Variants in OSBPL10 observed in about 807,000 individuals in gnomAD.
OSBPL10 encodes the protein oxysterol-binding protein-related protein 10.
In OSBPL10, 49 loss-of-function variants were observed where a neutral mutation model predicts 81.7. The ratio of observed to expected loss-of-function variants is 0.60; its 90% CI spans 0.48 to 0.76. OSBPL10 has a LOEUF of 0.76. OSBPL10 is among the 30% of genes least tolerant of loss of function. The pLI, the probability that OSBPL10 is intolerant of heterozygous loss-of-function variation, is 0.00. For missense variants in OSBPL10, 923 were observed against 987.8 expected, an observed-to-expected ratio of 0.93 and a Z score of 0.88; for synonymous variants, 419 against 383.6, an observed-to-expected ratio of 1.09 and a Z score of -1.08.
intron 3 of OSBPL10, among the ~76,000 whole-genome samples, chr3:31,863,522 AGT>A (rs1341830537): frequency 1.3e-5 from 2 of 152,338 alleles, no homozygotes; most frequent in African/African-American, 4.8e-5. Flanking sequence ...TCTGTGCCTC[AGT>A]GTCCTCACCT....
At chr3:31,951,673 T>G (rs973150313) in intron 1 of OSBPL10, among the ~76,000 whole-genome samples, 2 of 151,068 alleles carry the variant, frequency 1.3e-5, no homozygotes, top group Admixed American at 1.3e-4. Flanking sequence ...TATGATTGTA[T>G]ACAATTATAA....
At chr3:31,928,762 C>CCAAAAAAAAAAAAAAAAAAAAAAAA (rs768296819) in intron 1 of OSBPL10, among the ~76,000 whole-genome samples, 1 of 95,064 alleles carries the variant, frequency 1.1e-5, no homozygotes, top group African/African-American at 3.2e-5. Context: ...GACTTGTCTC[C>CCAAAAAAAAAAAAAAAAAAAAAAAA]AAAAAAAAAA....
chr3:31,690,354 C>T (rs1014497804), intron 7 of OSBPL10, among the ~76,000 whole-genome samples: 3 of 152,110 alleles, frequency 2.0e-5, no homozygotes, highest in African/African-American at 7.2e-5. Context: ...GAGGCCTCCC[C>T]AGAACTTGTA....
At chr3:31,730,330 C>CAA (rs796676217) in intron 6 of OSBPL10, among the ~76,000 whole-genome samples, 2 of 124,954 alleles carry the variant, frequency 1.6e-5, no homozygotes, top group African/African-American at 5.9e-5. Context: ...GGCCACAGAG[C>CAA]AAAAAAAAAA....
chr3:31,690,688 C>G (rs1028222632), intron 7 of OSBPL10, among the ~76,000 whole-genome samples: 1 of 152,108 alleles, frequency 6.6e-6, no homozygotes, highest in Admixed American at 6.5e-5. Flanking sequence ...TTTGTCAGAG[C>G]AGGAAAAAAA....
intron 1 of OSBPL10, among the ~76,000 whole-genome samples, chr3:31,922,577 C>G (rs1696948553): frequency 6.6e-6 from 1 of 152,078 alleles, no homozygotes; most frequent in Admixed American, 6.5e-5. Flanking sequence ...TGGATCGCAC[C>G]ATTGCACTCC....
intron 4 of OSBPL10, among the ~76,000 whole-genome samples, chr3:31,761,823 A>AAAAAAAAAAAAAAAC (rs1553622727): frequency 2.0e-5 from 3 of 149,990 alleles, no homozygotes; most frequent in African/African-American, 7.6e-5. Context: ...TAAAAAAAAA[A>AAAAAAAAAAAAAAAC]AAAAAAAACC....
chr3:31,748,074 A>G lies in OSBPL10; in HGVS notation c.776T>C (p.Ile259Thr), dbSNP rs1480380045. Residue 259 changes from isoleucine to threonine, a missense_variant, in exon 5 of 12, where the codon ATT (isoleucine) becomes ACT (threonine). Physicochemically the swap from Ile to Thr is moderately conservative, Grantham distance 89. Around this residue, in one of 3 missense-constraint regions of OSBPL10, gnomAD observed 514 missense variants for 508.0 expected, o/e 1.01. Coordinates refer to ENST00000396556, the MANE Select transcript of OSBPL10 (RefSeq NM_017784.5). ...EGQQKNLVHA[I>T]ESLPGSGPLT... is the part of the protein sequence containing the mutation. ...GGGGCCGGACCCTGGCAGGGACTCAATGGCGTGCACAAGGTTCTTCTGCTG... is the reference window on the plus strand; with the variant it reads ...GGGGCCGGACCCTGGCAGGGACTCAGTGGCGTGCACAAGGTTCTTCTGCTG... The G allele has an allele frequency of 5.0e-6, 8 of 1,614,134 alleles. No individual in the cohort carries two copies. The highest frequency in any genetic ancestry group is 2.2e-5 in the South Asian group (2 of 91,080).
intron 5 of OSBPL10, among the ~76,000 whole-genome samples, chr3:31,738,908 T>C (rs1000367384): frequency 6.6e-6 from 1 of 151,690 alleles, no homozygotes; most frequent in African/African-American, 2.4e-5. Flanking sequence ...GTCATATACA[T>C]ATATATTAAA....
intron 1 of OSBPL10, among the ~76,000 whole-genome samples, chr3:31,926,006 C>T (rs1697062648): frequency 6.6e-6 from 1 of 151,966 alleles, no homozygotes; most frequent in South Asian, 2.1e-4. Flanking sequence ...TGTTCTTTGG[C>T]TGATATCTTT....
intron 2 of OSBPL10, among the ~76,000 whole-genome samples, chr3:32,008,311 C>T (rs1409940179): frequency 2.1e-5 from 3 of 139,664 alleles, no homozygotes; most frequent in African/African-American, 8.7e-5. Context: ...CGCCACAATG[C>T]TCAGCTAATT....
At chr3:31,987,047 T>A (rs1360620836) in intron 2 of OSBPL10, among the ~76,000 whole-genome samples, 1 of 152,066 alleles carries the variant, frequency 6.6e-6, no homozygotes, top group Non-Finnish European at 1.5e-5. Context: ...AAACCACTGC[T>A]AATAATTTAT....
intron 4 of OSBPL10, among the ~76,000 whole-genome samples, chr3:31,754,386 G>A (rs1015682624): frequency 6.6e-5 from 10 of 152,056 alleles, no homozygotes; most frequent in Non-Finnish European, 1.2e-4. Flanking sequence ...TGGCAATAAC[G>A]GACAAGATGA....
At chr3:31,982,635 G>A (rs986052526), upstream of OSBPL10, among the ~76,000 whole-genome samples, 4 of 147,590 alleles carry the variant, frequency 2.7e-5, no homozygotes, top group East Asian at 8.8e-4. Context: ...ACAATTCCAG[G>A]TGCCTACATA....
At chr3:31,830,625 G>T (rs767547704) in intron 3 of OSBPL10, among the ~76,000 whole-genome samples, 63 of 152,080 alleles carry the variant, frequency 4.1e-4, no homozygotes, top group Non-Finnish European at 7.4e-5. Context: ...ACTCAGCATG[G>T]TGTTCTCTGC....
intron 7 of OSBPL10, 137 bp from the exon 8 acceptor site, chr3:31,684,251 A>G: frequency 6.1e-6 from 7 of 1,150,740 alleles, no homozygotes; most frequent in Non-Finnish European, 7.2e-6. Flanking sequence ...TGACTTGTGC[A>G]CACATGACAA....
chr3:31,752,229 G>A (rs765962606), intron 4 of OSBPL10, among the ~76,000 whole-genome samples: 17 of 152,018 alleles, frequency 1.1e-4, no homozygotes, highest in East Asian at 1.9e-4. Context: ...CTTTAATTAC[G>A]AAGTTTCAAA....
rs139259051 is a variant in OSBPL10 at position 31,741,349 on chromosome 3, C to G, written c.940+6561G>C. 8.5e-3 allele frequency among the ~76,000 whole-genome samples: 1,295 copies of G among 152,366 alleles called. 17 individuals are homozygous for G. Among genetic ancestry groups the G allele is most frequent in the African/African-American group, 0.019 (795 of 41,588 alleles). The stretch of plus-strand genomic sequence containing the variant: ...GCACAATCTCGGCTCACTGCAACCT[C>G]CGCCTCCCAGGTTCAAGTGATTCTC... On this transcript the variant is annotated intron_variant, in intron 5 of 11. Transcript: ENST00000396556.
intron 4 of OSBPL10, among the ~76,000 whole-genome samples, chr3:31,798,346 T>G (rs1056854394): frequency 6.6e-6 from 1 of 151,902 alleles, no homozygotes; most frequent in African/African-American, 2.4e-5. Flanking sequence ...AGGAGAATCA[T>G]TTGAACCTGG....
Sources: allele counts gnomAD v4.1 joint callset (sites outside exome capture counted in the v4.1 genomes callset), GRCh38; gene constraint gnomAD v4.1.1; regional missense constraint gnomAD v4.1.1; transcripts MANE v1.5; gene names NCBI Gene and HGNC (gene_info 2026-07-23, HGNC 2026-07-21).